The following MEGF8 variants were observed in gnomAD, a reference collection of about 807,000 sequenced individuals.
MEGF8 encodes multiple epidermal growth factor-like domains protein 8.
In MEGF8, 156 loss-of-function variants were observed where a neutral mutation model predicts 302.9. The observed-to-expected ratio is 0.52, with a 90% confidence interval of 0.45 to 0.59. The LOEUF (loss-of-function observed/expected upper bound fraction) is 0.59, where lower values mean the gene tolerates loss of function less well. Ranked by LOEUF, MEGF8 falls within the 20% of genes least tolerant of loss-of-function variation. The probability of loss-of-function intolerance (pLI) is 0.00; values close to 1 mark genes in which losing one functional copy is unlikely to be tolerated. For missense variants in MEGF8, 3,345 were observed against 3,964.5 expected (o/e 0.84, Z 4.20); for synonymous variants, 1,621 against 1,660.5 (o/e 0.98, Z 0.58).
chr19:42,349,316 A>G (rs2147472147), intron 13 of MEGF8, among the ~76,000 whole-genome samples, 183 bp from the exon 14 acceptor site: 1 of 151,488 alleles, frequency 6.6e-6, no homozygotes, highest in Admixed American at 6.6e-5. Flanking sequence ...AAAAAAAAAA[A>G]AAAAGCCCCT....
chr19:42,333,946 C>A, intron 2 of MEGF8, 61 bp from the exon 3 acceptor site: 1 of 1,553,734 alleles, frequency 6.4e-7, no homozygotes, highest in Non-Finnish European at 8.7e-7. Flanking sequence ...AGGAGTGGGC[C>A]ACCCTCCCAG....
rs776000322 is a variant in MEGF8 at position 42,357,559 on chromosome 19, A to C, written c.4986A>C (p.Gly1662=). ...TGGCAACCGGCACCTGGGTGTCAGGAGCCCAGAGTGGGACACCCCCCACAG... is the reference window on the plus strand; with the variant it reads ...TGGCAACCGGCACCTGGGTGTCAGGCGCCCAGAGTGGGACACCCCCCACAG... ...YQLATGTWVS[G]AQSGTPPTGL... The change falls in exon 28 of 42, where the codon GGA becomes GGC. Residue 1662 remains glycine, a synonymous_variant. Coordinates refer to ENST00000251268, the MANE Select transcript of MEGF8 (RefSeq NM_001271938.2). The surrounding 1 kb of genome is among the most constrained non-coding windows in gnomAD (Gnocchi z 5.2). The C allele has an allele frequency of 2.5e-6, 4 of 1,610,776 alleles. No individual in the cohort carries two copies.
chr19:42,356,821 A>T lies in MEGF8; in HGVS notation c.4670A>T (p.Glu1557Val). ...TGGACACAGATGCTGGCGGGAGCCG[A>T]GGACGGGGGCCCAGGCCCATCGCCC... is the stretch of plus-strand genomic sequence containing the variant. The part of the protein sequence containing the change: ...RRWTQMLAGA[E>V]DGGPGPSPRS... The change falls in exon 27 of 42, where the codon GAG becomes GTG. Residue 1557 changes from glutamate to valine, a missense_variant. By Grantham distance (121) the Glu-to-Val change is moderately radical. Transcript: ENST00000251268. This position sits in a 1 kb window ranked among gnomAD's most constrained non-coding sequence, Gnocchi z 5.2. 6.4e-7 allele frequency: 1 copy of T among 1,558,664 alleles called. No homozygotes were observed. The highest frequency in any genetic ancestry group is 1.9e-5 in the Admixed American group (1 of 51,860).
Position 42,353,572 on chromosome 19 carries a change from C to T in MEGF8, c.3658C>T (p.Arg1220Cys), listed in dbSNP as rs762398666. Residue 1220 changes from arginine (R) to cysteine (C), a missense_variant, in exon 21 of 42, where the codon CGC becomes TGC. Transcript: ENST00000251268. This position sits in a 1 kb window ranked among gnomAD's most constrained non-coding sequence, Gnocchi z 6.1. ...CCAGTGCAACGGGCACGGGGACCCACGCCGTGGCCACTGCGACAACCTCAG... is the reference window on the plus strand; with the variant it reads ...CCAGTGCAACGGGCACGGGGACCCATGCCGTGGCCACTGCGACAACCTCAG... The part of the protein sequence containing the change: ...PCQCNGHGDP[R>C]RGHCDNLSGL... 1.1e-4 allele frequency: 169 copies of T among 1,600,632 alleles called. No individual in the cohort carries two copies. Among genetic ancestry groups the T allele is most frequent in the Middle Eastern group, 1.7e-4 (1 of 6,042 alleles).
Position 42,358,164 on chromosome 19 carries a change from G to A in MEGF8, c.5032G>A (p.Val1678Ile). 1.3e-6 allele frequency: 2 copies of A among 1,596,092 alleles called. No individual in the cohort carries two copies. Among genetic ancestry groups the A allele is most frequent in the Non-Finnish European group, 1.7e-6 (2 of 1,172,140 alleles). The change falls in exon 29 of 42, where the codon GTC becomes ATC. Residue 1678 changes from valine (V) to isoleucine (I), a missense_variant. Coordinates refer to ENST00000251268, the MANE Select transcript of MEGF8 (RefSeq NM_001271938.2). The surrounding 1 kb of genome is among the most constrained non-coding windows in gnomAD (Gnocchi z 4.4). ...PPTGLYGHSA[V>I]YHEATDSLYV... The stretch of plus-strand genomic sequence containing the variant: ...ACCAGGTCTCTATGGTCACTCTGCT[G>A]TCTACCACGAGGCCACCGACTCCCT...
chr19:42,363,079 CACCTATG>C lies in MEGF8; in HGVS notation c.6093_6099del (p.Tyr2032GlyfsTer9). The C allele has an allele frequency of 6.2e-7, 1 of 1,613,288 alleles. No homozygotes were observed. The highest frequency in any genetic ancestry group is 8.5e-7 in the Non-Finnish European group (1 of 1,179,596). ...CCCGCCGCATCCTCTCCGTGCAGCC[CACCTATG>C]ACTGGACGTGCTTCAGCCACTCTCT... On this transcript the variant is annotated frameshift_variant, in exon 35 of 42. Transcript: ENST00000251268. LOFTEE classifies it high-confidence loss of function.
intron 35 of MEGF8, among the ~76,000 whole-genome samples, chr19:42,366,088 A>C (rs911939809): frequency 1.3e-5 from 2 of 152,216 alleles, no homozygotes; most frequent in Non-Finnish European, 2.9e-5. Context: ...TCTAAAGAAA[A>C]AAAAAGAAGT....
At chr19:42,335,602 C>A (rs1309221725) in intron 5 of MEGF8, among the ~76,000 whole-genome samples, 1 of 152,112 alleles carries the variant, frequency 6.6e-6, no homozygotes. Flanking sequence ...CCATGTGTCT[C>A]CTGTTGCTCA....
chr19:42,333,639 C>A lies in MEGF8; in HGVS notation c.222C>A (p.Phe74Leu). 1 of 1,613,990 alleles carries A rather than the reference C, an allele frequency of 6.2e-7. No homozygotes were observed. The highest frequency in any genetic ancestry group is 8.5e-7 in the Non-Finnish European group (1 of 1,179,888). ...CCCAGCACCGGATCCTGCTGGACTTCCTTTTCCTGGACACAGAGTGCACGT... is the reference window on the plus strand; with the variant it reads ...CCCAGCACCGGATCCTGCTGGACTTACTTTTCCTGGACACAGAGTGCACGT... ...PSPQHRILLD[F>L]LFLDTECTYD... The change falls in exon 2 of 42, where the codon TTC (phenylalanine) becomes TTA (leucine). Residue 74 changes from phenylalanine to leucine, a missense_variant. By Grantham distance (22) the Phe-to-Leu change is conservative (BLOSUM62 0). Coordinates refer to ENST00000251268, the MANE Select transcript of MEGF8 (RefSeq NM_001271938.2).
At chr19:42,339,609 G>A (rs1363606301) in intron 8 of MEGF8, among the ~76,000 whole-genome samples, 12 of 152,182 alleles carry the variant, frequency 7.9e-5, no homozygotes, top group African/African-American at 2.7e-4. Flanking sequence ...GGTTCTGGAT[G>A]TTAGATCTTT....
chr19:42,370,706 A>T lies in MEGF8; in HGVS notation c.7011A>T (p.Glu2337Asp). The change falls in exon 40 of 42, where the codon GAA becomes GAT. Residue 2337 changes from glutamate (E) to aspartate (D), a missense_variant. By Grantham distance (45) the Glu-to-Asp change is conservative. Transcript: ENST00000251268. ...KKYSLDPEEI[E>D]NWVTEGPSED... The stretch of plus-strand genomic sequence containing the variant: ...CACTGTCCTTCCTTGGCCAGATTGA[A>T]AACTGGGTGACAGAGGGTCCTAGTG... The T allele has an allele frequency of 6.3e-7, 1 of 1,593,280 alleles. No homozygotes were observed. The highest frequency in any genetic ancestry group is 8.5e-7 in the Non-Finnish European group (1 of 1,169,958).
At chr19:42,362,011 G>A (rs1319477639) in intron 32 of MEGF8, 79 bp from the exon 33 acceptor site, 2 of 1,559,960 alleles carry the variant, frequency 1.3e-6, no homozygotes, top group Non-Finnish European at 8.7e-7. Context: ...GCAGGGTTGG[G>A]GGCCTGCAGG....
rs1393605147 is a variant in MEGF8, at chr19:42,334,084, G to A, written c.429G>A (p.Pro143=). 6.8e-6 allele frequency: 11 copies of A among 1,613,368 alleles called. No individual in the cohort carries two copies. Among genetic ancestry groups the A allele is most frequent in the South Asian group, 2.2e-5 (2 of 91,082 alleles). ...FNASFRFSLC[P]GGCQSHGQCQ... ...CCTCATTCCGCTTCTCCCTGTGCCC[G>A]GGTGGCTGCCAGAGCCACGGGCAGT... Residue 143 remains proline (P), a synonymous_variant, in exon 3 of 42, where the codon CCG becomes CCA. Coordinates refer to ENST00000251268, the MANE Select transcript of MEGF8 (RefSeq NM_001271938.2).
In MEGF8 at chr19:42,369,837, A is replaced by G; in HGVS notation, c.6834+114A>G. On this transcript the variant is annotated intron_variant, in intron 38 of 41. Transcript: ENST00000251268. This position sits in a 1 kb window ranked among gnomAD's most constrained non-coding sequence, Gnocchi z 5.7. Reference sequence around the variant, plus strand: ...CTGAGCCCTGATAAGCCAGGGACAGATAAGCCAGAGCCCTGTCCCAGGGAG... The same window carrying G: ...CTGAGCCCTGATAAGCCAGGGACAGGTAAGCCAGAGCCCTGTCCCAGGGAG... 6 of 1,207,062 alleles carry G rather than the reference A, an allele frequency of 5.0e-6. No individual in the cohort carries two copies. Among genetic ancestry groups the G allele is most frequent in the Non-Finnish European group, 5.7e-6 (5 of 873,494 alleles). 74.8% of individuals were successfully genotyped at this position (1,207,062 alleles called of 1,614,324 possible). A position where few individuals can be genotyped will look rare whatever the true frequency, so the allele number is the denominator to read the frequency against.
rs748961562 is a variant in MEGF8 at position 42,352,687 on chromosome 19, G to A, written c.3350+231G>A. 5.5e-5 allele frequency: 37 copies of A among 666,744 alleles called. 1 individual carries two copies. The highest frequency in any genetic ancestry group is 9.1e-5 in the African/African-American group (5 of 55,054). 41.3% of individuals were successfully genotyped at this position (666,744 alleles called of 1,614,324 possible). ...TAGGCTGTGGGCCATAGTCTTCAGC[G>A]TTGCCATGGAGGCGGAGGAGGACCT... On this transcript the variant is annotated intron_variant, in intron 19 of 41. Transcript: ENST00000251268. The surrounding 1 kb of genome is among the most constrained non-coding windows in gnomAD (Gnocchi z 4.4).
intron 8 of MEGF8, among the ~76,000 whole-genome samples, chr19:42,340,449 G>A (rs1198806025): frequency 6.6e-6 from 1 of 152,016 alleles, no homozygotes. Context: ...GGTGGGTCTC[G>A]AACTCCTGGC....
chr19:42,336,080 C>T lies in MEGF8; in HGVS notation c.978C>T (p.Ser326=). 1 of 1,599,004 alleles carries T rather than the reference C, an allele frequency of 6.3e-7. No individual in the cohort carries two copies. The highest frequency in any genetic ancestry group is 8.5e-7 in the Non-Finnish European group (1 of 1,175,902). ...GGGAGCTCCTGGCACCACCTGCCTCCAGCTCCTCGGGGCCCCCAGGCCTGG... is the reference window on the plus strand; with the variant it reads ...GGGAGCTCCTGGCACCACCTGCCTCTAGCTCCTCGGGGCCCCCAGGCCTGG... ...GHWELLAPPA[S]SSSGPPGLAG... is the part of the protein sequence containing the mutation. Residue 326 remains serine, a synonymous_variant, in exon 6 of 42, where the codon TCC becomes TCT. Transcript: ENST00000251268. This position sits in a 1 kb window ranked among gnomAD's most constrained non-coding sequence, Gnocchi z 4.8.
At chr19:42,350,462 G>A (rs563763597) in intron 15 of MEGF8, 78 bp downstream of exon 15, 1 of 1,273,012 alleles carries the variant, frequency 7.9e-7, no homozygotes, top group South Asian at 1.5e-5. Flanking sequence ...GGAACCCCTG[G>A]TGGGGGGTGT....
chr19:42,335,156 C>T lies in MEGF8; in HGVS notation c.680C>T (p.Ala227Val). 6.2e-7 allele frequency: 1 copy of T among 1,613,890 alleles called. No homozygotes were observed. The highest frequency in any genetic ancestry group is 1.3e-5 in the African/African-American group (1 of 75,038). ...NVSARDPAFS[A>V]RIGAAGAFLS... is the part of the protein sequence containing the mutation. ...AGTGCCAGGGACCCTGCCTTCTCTG[C>T]CCGTATTGGGGCAGCTGGCGCCTTC... Residue 227 changes from alanine to valine, a missense_variant, in exon 4 of 42, where the codon GCC becomes GTC. Physicochemically the swap from Ala to Val is moderately conservative, Grantham distance 64. Transcript: ENST00000251268.
Sources: gnomAD v4.1 joint callset for allele counts (sites outside exome capture counted in the v4.1 genomes callset) on GRCh38, gnomAD v4.1.1 for gene constraint, Gnocchi (gnomAD v3.1) non-coding constraint, MANE v1.5 for transcripts, NCBI Gene and HGNC (gene_info 2026-07-23, HGNC 2026-07-21) for gene names.